DLGAP2: variants seen among roughly 807,000 people sequenced by gnomAD.
The protein encoded by DLGAP2 is DLG associated protein 2, also known as disks large-associated protein 2.
A neutral mutation model predicts 100.3 loss-of-function variants in DLGAP2; 26 were observed. The ratio of observed to expected loss-of-function variants is 0.26; its 90% CI spans 0.19 to 0.36. The LOEUF (loss-of-function observed/expected upper bound fraction) is 0.36, where lower values mean the gene tolerates loss of function less well. DLGAP2 is among the 10% of genes least tolerant of loss of function. The pLI is 1.00. For missense variants in DLGAP2, 1,858 were observed against 1,453.2 expected (o/e 1.28, Z -4.53); for synonymous variants, 886 against 630.1 (o/e 1.41, Z -6.08).
rs568970352 is a variant in DLGAP2 at position 1,381,964 on chromosome 8, A to C, written c.107-119402A>C. Among the ~76,000 whole-genome samples the C allele has an allele frequency of 1.9e-4, 29 of 152,274 alleles. 1 individual carries two copies. The highest frequency in any genetic ancestry group is 6.7e-4 in the African/African-American group (28 of 41,556). Reference sequence around the variant, plus strand: ...TGATAAAGTCTACACAGTGTTTTTTAGATTACATTTATGCAATCTTGAAAA... The same window carrying C: ...TGATAAAGTCTACACAGTGTTTTTTCGATTACATTTATGCAATCTTGAAAA... On this transcript the variant is annotated intron_variant, in intron 3 of 14. Transcript: ENST00000637795.
At chr8:770,542 C>T (rs952922733) in intron 1 of DLGAP2, among the ~76,000 whole-genome samples, 3 of 152,208 alleles carry the variant, frequency 2.0e-5, no homozygotes, top group Non-Finnish European at 4.4e-5. Flanking sequence ...CGCCTCCTCT[C>T]AGCTGATTTC....
At chr8:1,337,117 G>T (rs1305248976) in intron 3 of DLGAP2, among the ~76,000 whole-genome samples, 1 of 151,858 alleles carries the variant, frequency 6.6e-6, no homozygotes, top group African/African-American at 2.4e-5. Context: ...AATAGATAAT[G>T]ATGATGATGA....
At chr8:1,641,670 A>C (rs1007371023) in intron 8 of DLGAP2, among the ~76,000 whole-genome samples, 7 of 152,138 alleles carry the variant, frequency 4.6e-5, no homozygotes, top group African/African-American at 1.4e-4. Context: ...TCCAGTGAGG[A>C]CTTCCACATT....
Position 1,357,171 on chromosome 8 carries a change from G to A in DLGAP2, c.106+98288G>A, listed in dbSNP as rs111763852. Among the ~76,000 whole-genome samples the A allele has an allele frequency of 1.8e-4, 27 of 152,228 alleles. 1 individual carries two copies. Among genetic ancestry groups the A allele is most frequent in the Non-Finnish European group, 2.6e-4 (18 of 67,992 alleles). On this transcript the variant is annotated intron_variant, in intron 3 of 14. Transcript: ENST00000637795. ...TTCACCAGTCTGTGGACCAGGAAAC[G>A]AGCCGCTGGGGATCTCAGTCGCAAG...
At chr8:1,698,389 C>G (rs922137379) in intron 14 of DLGAP2, among the ~76,000 whole-genome samples, 2 of 150,260 alleles carry the variant, frequency 1.3e-5, no homozygotes, top group Admixed American at 1.3e-4. Flanking sequence ...TCCACGTAAG[C>G]CATGCGTGGG....
intron 3 of DLGAP2, among the ~76,000 whole-genome samples, chr8:1,482,856 G>C (rs979042818): frequency 6.6e-6 from 1 of 152,272 alleles, no homozygotes; most frequent in African/African-American, 2.4e-5. Context: ...GGAGGGAGAC[G>C]CAGGAAGAGA....
At chr8:1,128,317 G>A (rs190657020) in intron 2 of DLGAP2, among the ~76,000 whole-genome samples, 5 of 148,638 alleles carry the variant, frequency 3.4e-5, no homozygotes, top group Admixed American at 6.7e-5. Flanking sequence ...TGTTGTGTTC[G>A]GTGAGGACCT....
At chr8:1,587,324 A>G (rs1430087591) in intron 6 of DLGAP2, among the ~76,000 whole-genome samples, 1 of 152,126 alleles carries the variant, frequency 6.6e-6, no homozygotes, top group Admixed American at 6.6e-5. Flanking sequence ...CTTCAGGGGG[A>G]TGGTCTTGAA....
rs115246259 is a variant in DLGAP2 at position 858,820 on chromosome 8, C to T, written c.19-49092C>T. ...TGCTGTCATTGTGGCCACATGCCAC[C>T]GTGCATTTCTCCAAACCCACAGAAT... On this transcript the variant is annotated intron_variant, in intron 1 of 14. Coordinates refer to ENST00000637795, the MANE Select transcript of DLGAP2 (RefSeq NM_001346810.2). Among the ~76,000 whole-genome samples, 1,507 of 152,314 alleles carry T rather than the reference C, an allele frequency of 9.9e-3. 40 individuals are homozygous for T. Among genetic ancestry groups the T allele is most frequent in the South Asian group, 0.048 (230 of 4,828 alleles).
At chr8:1,648,701 T>G (rs1174566191) in intron 8 of DLGAP2, among the ~76,000 whole-genome samples, 1 of 152,184 alleles carries the variant, frequency 6.6e-6, no homozygotes, top group African/African-American at 2.4e-5. Flanking sequence ...TCCCCTTCTC[T>G]GGCTGTCATC....
chr8:1,515,219 A>T (rs1454674452), intron 4 of DLGAP2, among the ~76,000 whole-genome samples: 2 of 152,088 alleles, frequency 1.3e-5, no homozygotes, highest in Non-Finnish European at 2.9e-5. Flanking sequence ...GAGCACACCC[A>T]CCCTGCACTT....
chr8:1,303,776 T>A (rs923380442), intron 3 of DLGAP2, among the ~76,000 whole-genome samples: 3 of 152,060 alleles, frequency 2.0e-5, no homozygotes, highest in Non-Finnish European at 4.4e-5. Flanking sequence ...GGGGCTAAAT[T>A]AATCCTGCAT....
intron 2 of DLGAP2, among the ~76,000 whole-genome samples, chr8:1,087,944 T>C (rs1804030965): frequency 1.3e-5 from 2 of 152,224 alleles, no homozygotes; most frequent in East Asian, 1.9e-4. Flanking sequence ...CAGGGCACAA[T>C]GTCAGTGCCA....
chr8:1,530,558 A>C (rs1205633340), intron 4 of DLGAP2, among the ~76,000 whole-genome samples: 3 of 151,762 alleles, frequency 2.0e-5, no homozygotes, highest in African/African-American at 7.2e-5. Flanking sequence ...TAAGAGATTA[A>C]AGTAAAGACA....
At chr8:1,348,188 G>A (rs1175947529) in intron 3 of DLGAP2, among the ~76,000 whole-genome samples, 1 of 152,178 alleles carries the variant, frequency 6.6e-6, no homozygotes, top group African/African-American at 2.4e-5. Flanking sequence ...TAGAGGTTGA[G>A]TTTCCACATA....
At chr8:908,953 C>T (rs1798432418) in intron 2 of DLGAP2, among the ~76,000 whole-genome samples, 1 of 151,844 alleles carries the variant, frequency 6.6e-6, no homozygotes, top group South Asian at 2.1e-4. Context: ...ACTGTTGACT[C>T]ACCACTAAGA....
chr8:1,141,328 A>G (rs1796519133), intron 2 of DLGAP2, among the ~76,000 whole-genome samples: 1 of 152,214 alleles, frequency 6.6e-6, no homozygotes, highest in South Asian at 2.1e-4. Flanking sequence ...CCCCAACAAA[A>G]TTGAATTTGG....
chr8:795,664 A>G (rs1384244174), intron 1 of DLGAP2, among the ~76,000 whole-genome samples: 1 of 131,670 alleles, frequency 7.6e-6, no homozygotes, highest in Non-Finnish European at 1.7e-5. Context: ...CAGTGAGAGC[A>G]GGTGTCCAGT....
At chr8:1,418,755 C>G (rs60103380) in intron 3 of DLGAP2, among the ~76,000 whole-genome samples, 4,307 of 152,316 alleles carry the variant, frequency 0.028, 208 homozygotes, top group African/African-American at 0.099. Flanking sequence ...TGGGCGTCCT[C>G]TAATTCATTG....
Sources: allele counts gnomAD v4.1 joint callset (sites outside exome capture counted in the v4.1 genomes callset), GRCh38; gene constraint gnomAD v4.1.1; transcripts MANE v1.5; gene names NCBI Gene and HGNC (gene_info 2026-07-23, HGNC 2026-07-21).